The following ITSN1 variants were observed in gnomAD, a reference collection of about 807,000 sequenced individuals.
ITSN1 encodes intersectin 1, also known as intersectin-1.
Under a neutral mutation model 239.8 loss-of-function variants are expected in ITSN1, and 58 were observed. That is an observed-to-expected ratio of 0.24 (90% CI 0.20 to 0.30). ITSN1 has a LOEUF of 0.30. Among genes scored for constraint, ITSN1 ranks in the 10% least tolerant of loss-of-function variants. The probability of loss-of-function intolerance (pLI) is 1.00; values close to 1 mark genes in which losing one functional copy is unlikely to be tolerated. For missense variants in ITSN1, 1,558 were observed against 2,103.3 expected, an observed-to-expected ratio of 0.74 and a Z score of 5.07; for synonymous variants, 780 against 770.8, an observed-to-expected ratio of 1.01 and a Z score of -0.20.
chr21:33,780,789 G>C (rs922436017), intron 14 of ITSN1, among the ~76,000 whole-genome samples: 1 of 152,004 alleles, frequency 6.6e-6, no homozygotes, highest in African/African-American at 2.4e-5. Context: ...GGATATTTTC[G>C]GCTAAATTTA....
In ITSN1 at chr21:33,886,281, C is replaced by T; in HGVS notation, c.4844-6C>T. 1 of 1,613,646 alleles carries T rather than the reference C, an allele frequency of 6.2e-7. No individual in the cohort carries two copies. Among genetic ancestry groups the T allele is most frequent in the Non-Finnish European group, 8.5e-7 (1 of 1,179,800 alleles). On this transcript the variant is annotated splice_region_variant and splice_polypyrimidine_tract_variant and intron_variant, in intron 38 of 39. Transcript: ENST00000381318. ...TCCACCTGGCGAAGGCTTTTGTTCC[C>T]TCCAGGAAAGAGCAACCCGTACTGT... is the stretch of plus-strand genomic sequence containing the variant.
rs1985283273 is a variant in ITSN1, at chr21:33,883,532, C to G, written c.4555-18C>G. The G allele has an allele frequency of 1.2e-6, 2 of 1,612,352 alleles. No homozygotes were observed. The highest frequency in any genetic ancestry group is 1.7e-6 in the Non-Finnish European group (2 of 1,178,794). On this transcript the variant is annotated intron_variant, in intron 35 of 39. Transcript: ENST00000381318. Reference sequence around the variant, plus strand: ...GACCCCCAGCCTCGCTTTGTAATGCCTGTGTGTTACTTTCCAGCCTATTTT... The same window carrying G: ...GACCCCCAGCCTCGCTTTGTAATGCGTGTGTGTTACTTTCCAGCCTATTTT...
intron 16 of ITSN1, among the ~76,000 whole-genome samples, chr21:33,786,024 C>T (rs891156716): frequency 1.2e-4 from 19 of 152,230 alleles, no homozygotes; most frequent in Middle Eastern, 3.4e-3. Flanking sequence ...AGAGGAGAAA[C>T]GATAGCACCC....
intron 4 of ITSN1, among the ~76,000 whole-genome samples, chr21:33,729,773 T>C (rs1454782648): frequency 2.6e-5 from 4 of 152,198 alleles, no homozygotes; most frequent in Non-Finnish European, 5.9e-5. Flanking sequence ...GTCGGCACTT[T>C]ACATAAGATA....
intron 8 of ITSN1, chr21:33,756,786 G>C (rs1160025059): frequency 6.6e-6 from 1 of 151,540 alleles, no homozygotes; most frequent in Non-Finnish European, 1.5e-5. Context: ...TTTTTTTTGA[G>C]ATGGAGCTTC....
At position 33,829,683 on chromosome 21, in the gene ITSN1, C is replaced by T. The variant is rs754177477; in HGVS notation, c.3289C>T (p.Pro1097Ser). Residue 1097 changes from proline to serine, a missense_variant, in exon 27 of 40, where the codon CCT becomes TCT. By Grantham distance (74) the Pro-to-Ser change is moderately conservative. Coordinates refer to ENST00000381318, the MANE Select transcript of ITSN1 (RefSeq NM_003024.3). ...CGGCCCCGAGCAGCTCACTCTCGCC[C>T]CTGGTCAGCTGATTTTGATCCGAAA... is the stretch of plus-strand genomic sequence containing the variant. ...ATGPEQLTLA[P>S]GQLILIRKKN... The T allele has an allele frequency of 6.2e-7, 1 of 1,612,770 alleles. No homozygotes were observed. Among genetic ancestry groups the T allele is most frequent in the African/African-American group, 1.3e-5 (1 of 74,874 alleles).
intron 1 of ITSN1, among the ~76,000 whole-genome samples, chr21:33,718,278 A>C (rs1262271765): frequency 1.3e-5 from 2 of 152,188 alleles, no homozygotes; most frequent in East Asian, 3.8e-4. Context: ...AAGTAGATGG[A>C]CTGGTAATTA....
chr21:33,705,018 G>A (rs1044484239), intron 1 of ITSN1, among the ~76,000 whole-genome samples: 6 of 151,090 alleles, frequency 4.0e-5, no homozygotes, highest in Admixed American at 6.6e-5. Flanking sequence ...GGCTGAGGCC[G>A]GAGAATGGCG....
At chr21:33,885,561 T>C (rs763648823) in intron 38 of ITSN1, 39 bp downstream of exon 38, 4 of 1,554,170 alleles carry the variant, frequency 2.6e-6, no homozygotes, top group Non-Finnish European at 2.7e-6. Context: ...GCTTTGGGGT[T>C]GGGAGTAGGG....
At chr21:33,758,227 G>A (rs577536298) in intron 8 of ITSN1, among the ~76,000 whole-genome samples, 2 of 152,050 alleles carry the variant, frequency 1.3e-5, no homozygotes, top group Non-Finnish European at 2.9e-5. Context: ...AGGCTCGGGG[G>A]ATCCTCCCAC....
chr21:33,801,107 A>G (rs2071972378), intron 19 of ITSN1, among the ~76,000 whole-genome samples: 1 of 152,010 alleles, frequency 6.6e-6, no homozygotes, highest in African/African-American at 2.4e-5. Context: ...CCTGGGCTCA[A>G]ACGATCCTCC....
chr21:33,881,149 G>A lies in ITSN1; in HGVS notation c.4342-1094G>A, dbSNP rs1164918165. On this transcript the variant is annotated intron_variant, in intron 34 of 39. Coordinates refer to ENST00000381318, the MANE Select transcript of ITSN1 (RefSeq NM_003024.3). ...ACAGCTGGGTATGGTGGCTCACGCC[G>A]GTAATCCCAGCACTTTGGGAGGCCA... Among the ~76,000 whole-genome samples the A allele has an allele frequency of 2.6e-5, 4 of 152,122 alleles. No homozygotes were observed. In the East Asian group the frequency reaches 5.8e-4, roughly 22 times the overall value.
intron 1 of ITSN1, among the ~76,000 whole-genome samples, chr21:33,715,208 A>G (rs902966455): frequency 2.2e-4 from 34 of 152,270 alleles, no homozygotes; most frequent in African/African-American, 7.5e-4. Flanking sequence ...GCTTAGTATT[A>G]TTGCTTTGGG....
At chr21:33,655,177 A>ACTCTGG (rs2146187737) in intron 1 of ITSN1, among the ~76,000 whole-genome samples, 1 of 152,258 alleles carries the variant, frequency 6.6e-6, no homozygotes, top group South Asian at 2.1e-4. Context: ...ACAAATGCGG[A>ACTCTGG]CTCTGGCTCG....
intron 1 of ITSN1, among the ~76,000 whole-genome samples, chr21:33,691,949 C>T (rs1701183133): frequency 6.6e-6 from 1 of 152,242 alleles, no homozygotes; most frequent in Non-Finnish European, 1.5e-5. Context: ...GTCCATGGCA[C>T]TGACCTAACA....
intron 29 of ITSN1, chr21:33,837,359 A>G: frequency 1.0e-6 from 1 of 1,003,844 alleles, no homozygotes; most frequent in Non-Finnish European, 1.2e-6. Flanking sequence ...TTAATAAACA[A>G]AATAAATAAA....
At chr21:33,885,199 A>C in intron 37 of ITSN1, 76 bp downstream of exon 37, 1 of 1,252,244 alleles carries the variant, frequency 8.0e-7, no homozygotes, top group Non-Finnish European at 1.2e-6. Context: ...GAAAATCCTC[A>C]GAATAGAAGA....
At chr21:33,800,292 T>A (rs2071882711) in intron 19 of ITSN1, among the ~76,000 whole-genome samples, 1 of 151,802 alleles carries the variant, frequency 6.6e-6, no homozygotes, top group Non-Finnish European at 1.5e-5. Flanking sequence ...TATACTAGTG[T>A]GCGTGTGTAT....
intron 16 of ITSN1, among the ~76,000 whole-genome samples, chr21:33,782,686 A>C (rs2070295515): frequency 6.6e-6 from 1 of 152,172 alleles, no homozygotes; most frequent in African/African-American, 2.4e-5. Context: ...AGCCTTTTTC[A>C]GATTTGGTGT....
Sources: gnomAD v4.1 joint callset for allele counts (sites outside exome capture counted in the v4.1 genomes callset) on GRCh38, gnomAD v4.1.1 for gene constraint, MANE v1.5 for transcripts, NCBI Gene and HGNC (gene_info 2026-07-23, HGNC 2026-07-21) for gene names.